CELF4: variants seen among roughly 807,000 people sequenced by gnomAD.
The protein encoded by CELF4 is CUG-BP- and ETR-3-like factor 4.
In CELF4, 18 loss-of-function variants were observed where a neutral mutation model predicts 59.9. The ratio of observed to expected loss-of-function variants is 0.30; its 90% confidence interval spans 0.21 to 0.45. The LOEUF is 0.45. CELF4 is among the 20% of genes least tolerant of loss of function. The pLI is 1.00. For missense variants in CELF4, 456 were observed against 689.0 expected, an observed-to-expected ratio of 0.66 and a Z score of 3.79; for synonymous variants, 261 against 267.1, an observed-to-expected ratio of 0.98 and a Z score of 0.22.
intron 1 of CELF4, among the ~76,000 whole-genome samples, chr18:37,521,165 ACT>A (rs999475269): frequency 6.6e-6 from 1 of 151,650 alleles, no homozygotes; most frequent in Non-Finnish European, 1.5e-5. Flanking sequence ...TGGCCCTATC[ACT>A]CTCTCTCTGG....
Position 37,253,225 on chromosome 18 carries a change from CT to C in CELF4, c.*44+541del, listed in dbSNP as rs372240463. ...GCTTTCATCCCATCCTGCTTTGTTT[CT>C]TAGTAAAGTTCCCTTTGAAAGATCC... On this transcript the variant is annotated intron_variant, in intron 12 of 12. Coordinates refer to ENST00000420428, the MANE Select transcript of CELF4 (RefSeq NM_020180.4). The surrounding 1 kb of genome is among the most constrained non-coding windows in gnomAD (Gnocchi z 4.5). 4.3e-3 allele frequency among the ~76,000 whole-genome samples: 662 copies of C among 152,300 alleles called. 4 individuals are homozygous for C. The highest frequency in any genetic ancestry group is 0.017 in the South Asian group (84 of 4,820).
intron 2 of CELF4, among the ~76,000 whole-genome samples, chr18:37,341,069 C>T (rs1387751505): frequency 6.6e-6 from 1 of 152,188 alleles, no homozygotes; most frequent in East Asian, 1.9e-4. Context: ...GGAAGGGCAC[C>T]AACCACTCAG....
At chr18:37,418,202 G>C (rs1038464856) in intron 2 of CELF4, among the ~76,000 whole-genome samples, 2 of 152,216 alleles carry the variant, frequency 1.3e-5, no homozygotes, top group African/African-American at 4.8e-5. Context: ...GAGCTTTGCT[G>C]GTGGCAATTG....
intron 3 of CELF4, among the ~76,000 whole-genome samples, chr18:37,300,459 AG>A (rs1325784207): frequency 6.6e-6 from 1 of 152,140 alleles, no homozygotes; most frequent in East Asian, 1.9e-4. Flanking sequence ...TTCTGACCTC[AG>A]GTGATCCTCC....
At chr18:37,485,324 A>T (rs945929204) in intron 2 of CELF4, among the ~76,000 whole-genome samples, 6 of 151,530 alleles carry the variant, frequency 4.0e-5, no homozygotes, top group Non-Finnish European at 7.4e-5. Flanking sequence ...GGCCACGGCC[A>T]AGTGGGGCCC....
chr18:37,308,278 T>C (rs1217603925), intron 3 of CELF4, among the ~76,000 whole-genome samples: 2 of 151,988 alleles, frequency 1.3e-5, no homozygotes, highest in East Asian at 3.9e-4. Flanking sequence ...CACCCCAAAC[T>C]CCTTTGCCTG....
intron 2 of CELF4, among the ~76,000 whole-genome samples, chr18:37,385,395 T>C (rs1447933891): frequency 7.1e-6 from 1 of 141,416 alleles, no homozygotes; most frequent in Admixed American, 7.1e-5. Context: ...AGAAAGAAAA[T>C]GTGATCACCT....
intron 3 of CELF4, among the ~76,000 whole-genome samples, chr18:37,302,012 A>C (rs1205593197): frequency 6.6e-6 from 1 of 151,984 alleles, no homozygotes; most frequent in Non-Finnish European, 1.5e-5. Flanking sequence ...ACATCGAAAA[A>C]CTCAGGCCAT....
At chr18:37,268,188 G>A (rs965282578) in intron 8 of CELF4, among the ~76,000 whole-genome samples, 5 of 152,274 alleles carry the variant, frequency 3.3e-5, no homozygotes, top group Middle Eastern at 3.4e-3. Flanking sequence ...CTGCTCAGAT[G>A]GGGGGAGCTG....
rs546442907 is a variant in CELF4, at chr18:37,458,730, T to C, written c.369+26795A>G. Among the ~76,000 whole-genome samples the C allele has an allele frequency of 2.0e-4, 30 of 152,306 alleles. No homozygotes were observed. In the South Asian group the frequency reaches 5.6e-3, roughly 28 times the overall value. ...GGGCATCACATGCAGAGCTCATCAC[T>C]ATCTGCAAAGCTTGCTGCCACTTAT... On this transcript the variant is annotated intron_variant, in intron 2 of 12. Coordinates refer to ENST00000420428, the MANE Select transcript of CELF4 (RefSeq NM_020180.4).
chr18:37,540,126 T>C (rs368075402), intron 1 of CELF4, among the ~76,000 whole-genome samples: 3 of 152,028 alleles, frequency 2.0e-5, no homozygotes, highest in South Asian at 4.2e-4. Context: ...TCTCTCAAGG[T>C]GACAAGGAAG....
At chr18:37,264,543 T>G (rs1175799879) in intron 10 of CELF4, 131 bp downstream of exon 10, 1 of 732,944 alleles carries the variant, frequency 1.4e-6, no homozygotes, top group African/African-American at 1.7e-5. Context: ...CTGTCTTCCC[T>G]TGCCCACCTC....
chr18:37,359,520 G>C (rs2098665518), intron 2 of CELF4, among the ~76,000 whole-genome samples: 1 of 152,074 alleles, frequency 6.6e-6, no homozygotes, highest in Non-Finnish European at 1.5e-5. Context: ...ATTTTGTAGA[G>C]ACAGGGTCTC....
In CELF4 at chr18:37,259,237, T is replaced by C. The variant is rs1234997897; in HGVS notation, c.1277A>G (p.Tyr426Cys). 6.3e-7 allele frequency: 1 copy of C among 1,586,456 alleles called. No homozygotes were observed. Among genetic ancestry groups the C allele is most frequent in the Admixed American group, 1.8e-5 (1 of 55,444 alleles). Reference sequence around the variant, plus strand: ...GTCCCCAAACTCCTGGGGCAGATGGTAGATGAACAGGTTACAGCCCTCGGG... The same window carrying C: ...GTCCCCAAACTCCTGGGGCAGATGGCAGATGAACAGGTTACAGCCCTCGGG... ...EGPEGCNLFI[Y>C]HLPQEFGDAE... Residue 426 changes from tyrosine to cysteine, a missense_variant, in exon 11 of 13, where the codon TAC (tyrosine) becomes TGC (cysteine). Physicochemically the swap from Tyr to Cys is radical, Grantham distance 194 (BLOSUM62 -2). Transcript: ENST00000420428.
chr18:37,322,729 CG>C (rs2097167598), intron 2 of CELF4, among the ~76,000 whole-genome samples: 2 of 152,288 alleles, frequency 1.3e-5, no homozygotes, highest in Admixed American at 1.3e-4. Context: ...AAGCAACAAA[CG>C]TGAGGAGGAT....
In CELF4 at chr18:37,492,674, C is replaced by G. The variant is rs966295191; in HGVS notation, c.287-7067G>C. ...TGCAAATGTCCTCCCACTTCGAGTA[C>G]CCGGCTGGAGTCTACACAGCCTTTA... On this transcript the variant is annotated intron_variant, in intron 1 of 12. Coordinates refer to ENST00000420428, the MANE Select transcript of CELF4 (RefSeq NM_020180.4). Among the ~76,000 whole-genome samples, 107 of 151,900 alleles carry G rather than the reference C, an allele frequency of 7.0e-4. 2 individuals are homozygous for G.
Position 37,557,997 on chromosome 18 carries a change from C to CTTTTTT in CELF4, c.286+7353_286+7358dup, listed in dbSNP as rs34181233. Among the ~76,000 whole-genome samples the CTTTTTT allele has an allele frequency of 3.0e-4, 30 of 100,750 alleles. 6 individuals carry two copies. Among genetic ancestry groups the CTTTTTT allele is most frequent in the East Asian group, 9.1e-4 (3 of 3,314 alleles). 66.1% of individuals were successfully genotyped at this position (100,750 alleles called of 152,430 possible). A position where few individuals can be genotyped will look rare whatever the true frequency, so the allele number is the denominator to read the frequency against. ...GATGGTCCTGAAAACATCCCTTTTA[C>CTTTTTT]TTTTTTTTTTTTTTTTTTTTTTGAG... On this transcript the variant is annotated intron_variant, in intron 1 of 12. Coordinates refer to ENST00000420428, the MANE Select transcript of CELF4 (RefSeq NM_020180.4).
At chr18:37,549,616 A>G (rs1557338) in intron 1 of CELF4, among the ~76,000 whole-genome samples, 89,898 of 152,122 alleles carry the variant, frequency 0.59, 30,830 homozygotes, top group East Asian at 0.84. Context: ...TTTTCTTTAT[A>G]AAAAAGGTAT....
intron 1 of CELF4, among the ~76,000 whole-genome samples, chr18:37,516,505 G>T (rs4799453): frequency 0.99 from 150,913 of 152,344 alleles, 74,766 homozygotes; most frequent in Middle Eastern, 1. Flanking sequence ...TATCTCCATT[G>T]GGGTCTTTCA....
Sources: gnomAD v4.1 joint callset for allele counts (sites outside exome capture counted in the v4.1 genomes callset) on GRCh38, gnomAD v4.1.1 for gene constraint, Gnocchi (gnomAD v3.1) non-coding constraint, MANE v1.5 for transcripts, NCBI Gene and HGNC (gene_info 2026-07-23, HGNC 2026-07-21) for gene names.